Variants in THSD7B observed in about 807,000 individuals in gnomAD.
THSD7B encodes the protein thrombospondin type 1 domain containing 7B, also known as thrombospondin type-1 domain-containing protein 7B.
A neutral mutation model predicts 213.6 loss-of-function variants in THSD7B; 138 were observed. That is an observed-to-expected ratio of 0.65 (90% confidence interval 0.56 to 0.74). The LOEUF (loss-of-function observed/expected upper bound fraction) is 0.74. THSD7B is among the 30% of genes least tolerant of loss of function. THSD7B has a pLI of 0.00. For missense variants in THSD7B, 1,931 were observed against 1,991.5 expected (o/e 0.97, Z 0.58); for synonymous variants, 742 against 687.0 (o/e 1.08, Z -1.25).
intron 9 of THSD7B, among the ~76,000 whole-genome samples, chr2:137,240,730 G>C (rs530403688): frequency 6.6e-6 from 1 of 152,126 alleles, no homozygotes; most frequent in Non-Finnish European, 1.5e-5. Context: ...GCCCAGGCTA[G>C]TGTTTAACTT....
intron 15 of THSD7B, among the ~76,000 whole-genome samples, chr2:137,536,459 G>C (rs1489929589): frequency 6.6e-6 from 1 of 151,534 alleles, no homozygotes; most frequent in Non-Finnish European, 1.5e-5. Flanking sequence ...AGCAGTTTCT[G>C]TTTAGGCCAT....
In THSD7B at chr2:137,663,491, A is replaced by G. The variant is rs1232485471; in HGVS notation, c.4567A>G (p.Lys1523Glu). ...CTCAGAGGATAAAAAAGCTGATGTG[A>G]AAAACCTTTCTGGGAAAAACAGACC... ...PGSEDKKADV[K>E]NLSGKNRPVN... is the part of the protein sequence containing the mutation. Residue 1523 changes from lysine to glutamate, a missense_variant, in exon 26 of 28, where the codon AAA becomes GAA. Lys to Glu is a moderately conservative substitution (Grantham distance 56). Transcript: ENST00000409968. 4.4e-6 allele frequency: 7 copies of G among 1,605,198 alleles called. No homozygotes were observed. In the South Asian group the frequency reaches 6.7e-5, roughly 15 times the overall value.
chr2:137,280,986 T>G (rs1332920822), intron 12 of THSD7B, among the ~76,000 whole-genome samples: 1 of 152,158 alleles, frequency 6.6e-6, no homozygotes, highest in Non-Finnish European at 1.5e-5. Context: ...TATCAGCCCG[T>G]GAGTATACTC....
chr2:137,412,605 AAAAAACAAAAAAAAAC>A (rs1251794543), intron 14 of THSD7B, among the ~76,000 whole-genome samples: 3 of 146,936 alleles, frequency 2.0e-5, no homozygotes, highest in Non-Finnish European at 4.5e-5. Flanking sequence ...CTCAAAAAAA[AAAAAACAAAAAAAAAC>A]AAAAAACAGT....
At chr2:137,203,213 A>T (rs1211455150) in intron 7 of THSD7B, among the ~76,000 whole-genome samples, 1 of 152,150 alleles carries the variant, frequency 6.6e-6, no homozygotes, top group Non-Finnish European at 1.5e-5. Context: ...AAAGTAAATA[A>T]TAATTTCCTA....
intron 15 of THSD7B, among the ~76,000 whole-genome samples, chr2:137,454,420 G>GTCTA (rs1558802284): frequency 9.3e-5 from 12 of 129,378 alleles, no homozygotes; most frequent in African/African-American, 1.8e-4. Flanking sequence ...CTGTCTGTCT[G>GTCTA]TCTGTCTATC....
intron 11 of THSD7B, among the ~76,000 whole-genome samples, chr2:137,274,101 T>C (rs1682815172): frequency 6.6e-6 from 1 of 152,072 alleles, no homozygotes. Flanking sequence ...TTCTACTGTG[T>C]ATGAATTGGA....
intron 15 of THSD7B, among the ~76,000 whole-genome samples, chr2:137,473,833 G>T (rs1039011194): frequency 6.6e-6 from 1 of 152,162 alleles, no homozygotes; most frequent in African/African-American, 2.4e-5. Flanking sequence ...TTCTGAAATT[G>T]TCTCAAGTGC....
intron 20 of THSD7B, among the ~76,000 whole-genome samples, chr2:137,624,209 C>G (rs887055032): frequency 6.6e-6 from 1 of 152,146 alleles, no homozygotes; most frequent in African/African-American, 2.4e-5. Context: ...ACAAACCTGA[C>G]AAAAACAAGA....
At chr2:137,319,363 C>A (rs888258075) in intron 12 of THSD7B, among the ~76,000 whole-genome samples, 4 of 151,906 alleles carry the variant, frequency 2.6e-5, no homozygotes, top group Middle Eastern at 3.4e-3. Context: ...GTGTCTTATT[C>A]CATGTGATCT....
chr2:136,946,027 G>T (rs1684931236), intron 2 of THSD7B, among the ~76,000 whole-genome samples: 3 of 152,174 alleles, frequency 2.0e-5, no homozygotes, highest in Admixed American at 6.5e-5. Flanking sequence ...CAGTCGTTTG[G>T]AAGAGAAGAG....
At chr2:137,048,974 T>C (rs955213061) in intron 2 of THSD7B, among the ~76,000 whole-genome samples, 11 of 152,230 alleles carry the variant, frequency 7.2e-5, no homozygotes, top group Non-Finnish European at 7.3e-5. Context: ...GTTTACTCTT[T>C]ATTGCCATTT....
chr2:137,044,818 G>A (rs1032696852), intron 2 of THSD7B, among the ~76,000 whole-genome samples: 8 of 152,116 alleles, frequency 5.3e-5, no homozygotes, highest in Admixed American at 4.6e-4. Flanking sequence ...AATGGCGTAG[G>A]CATTGTGACA....
intron 9 of THSD7B, among the ~76,000 whole-genome samples, chr2:137,235,208 A>T (rs558654524): frequency 6.6e-6 from 1 of 152,194 alleles, no homozygotes; most frequent in Non-Finnish European, 1.5e-5. Context: ...TTATGACCTG[A>T]ATTTTCAACT....
At chr2:137,190,498 G>A (rs963936063) in intron 7 of THSD7B, among the ~76,000 whole-genome samples, 9 of 152,204 alleles carry the variant, frequency 5.9e-5, no homozygotes, top group South Asian at 2.1e-4. Context: ...TGCCAGACCC[G>A]CCTGCAGCAA....
At chr2:136,796,505 C>T (rs1682067022) in intron 1 of THSD7B, among the ~76,000 whole-genome samples, 1 of 151,928 alleles carries the variant, frequency 6.6e-6, no homozygotes, top group African/African-American at 2.4e-5. Context: ...TCTACCAAGG[C>T]CCCACTTAAA....
intron 12 of THSD7B, among the ~76,000 whole-genome samples, chr2:137,304,401 A>G (rs761640345): frequency 2.6e-5 from 4 of 152,192 alleles, no homozygotes; most frequent in African/African-American, 9.6e-5. Flanking sequence ...GCCTCATGCA[A>G]CTTACTTTCA....
intron 3 of THSD7B, among the ~76,000 whole-genome samples, chr2:137,079,465 G>A (rs1390614395): frequency 6.6e-6 from 1 of 152,054 alleles, no homozygotes; most frequent in Non-Finnish European, 1.5e-5. Flanking sequence ...ACATTCTAAA[G>A]TGTTTTTATT....
intron 17 of THSD7B, among the ~76,000 whole-genome samples, chr2:137,611,519 G>C (rs1043638695): frequency 6.6e-6 from 1 of 152,002 alleles, no homozygotes. Flanking sequence ...TACCTTATAA[G>C]GCAGTTATAA....
Sources: allele counts gnomAD v4.1 joint callset (sites outside exome capture counted in the v4.1 genomes callset), GRCh38; gene constraint gnomAD v4.1.1; transcripts MANE v1.5; gene names NCBI Gene and HGNC (gene_info 2026-07-23, HGNC 2026-07-21).